The following MSTO1 variants were observed in gnomAD, a reference collection of about 807,000 sequenced individuals.
MSTO1 encodes the protein protein misato homolog 1.
Under a neutral mutation model 55.7 loss-of-function variants are expected in MSTO1, and 24 were observed. That is an observed-to-expected ratio of 0.43 (90% confidence interval 0.31 to 0.61). MSTO1 has a LOEUF of 0.61. MSTO1 is among the 20% of genes least tolerant of loss of function. The pLI is 0.09. For synonymous variants in MSTO1, 162 were observed against 252.8 expected (o/e 0.64, Z 3.41); for missense variants, 363 against 625.7 (o/e 0.58, Z 4.48).
chr1:155,575,795 T>TA, the MSTO1 span, among the ~76,000 whole-genome samples: 137 of 140,216 alleles, frequency 9.8e-4, no homozygotes, highest in Non-Finnish European at 1.6e-3. Context: ...TCTTATTTTA[T>TA]TTTTATTTAT....
chr1:155,603,011 A>T, the MSTO1 span, among the ~76,000 whole-genome samples: 2 of 152,084 alleles, frequency 1.3e-5, no homozygotes, highest in African/African-American at 2.4e-5. Flanking sequence ...CATTCTGGAC[A>T]TTTTCATCAG....
rs1558265813 is a variant in MSTO1, at chr1:155,612,485, GCT to G, written c.886_887del (p.Leu296CysfsTer26). The G allele has an allele frequency of 1.2e-6, 2 of 1,614,016 alleles. No individual in the cohort carries two copies. The highest frequency in any genetic ancestry group is 2.2e-5 in the East Asian group (1 of 44,876). On this transcript the variant is annotated frameshift_variant, in exon 9 of 14. Coordinates refer to ENST00000245564, the MANE Select transcript of MSTO1 (RefSeq NM_018116.4). LOFTEE classifies it high-confidence loss of function. ...GGTCTCGTGCACCTGACTGCTCACAGCTCTCTTGTCTGCCCCTTGTCCTTGGG... is the reference window on the plus strand; with the variant it reads ...GGTCTCGTGCACCTGACTGCTCACAGCTCTTGTCTGCCCCTTGTCCTTGGG...
chr1:155,564,339 C>T, the MSTO1 span, among the ~76,000 whole-genome samples: 1 of 152,068 alleles, frequency 6.6e-6, no homozygotes, highest in South Asian at 2.1e-4. Context: ...ACTAAAAATA[C>T]AAAAATTAGC....
At chr1:155,566,005 G>A in the MSTO1 span, 1 of 152,320 alleles carries the variant, frequency 6.6e-6, no homozygotes, top group Admixed American at 6.5e-5. Flanking sequence ...AAACTAGGGA[G>A]ATTATCCAGG....
chr1:155,583,408 C>T, the MSTO1 span, among the ~76,000 whole-genome samples: 1 of 151,690 alleles, frequency 6.6e-6, no homozygotes, highest in Non-Finnish European at 1.5e-5. Context: ...GGTGGTTGCA[C>T]GTGCCTGTAG....
At chr1:155,594,999 G>A in the MSTO1 span, among the ~76,000 whole-genome samples, 1 of 151,992 alleles carries the variant, frequency 6.6e-6, no homozygotes, top group African/African-American at 2.4e-5. Flanking sequence ...TTAGCCAGAT[G>A]TGGTGGTGCA....
chr1:155,606,360 A>G (rs1672935396), upstream of MSTO1, among the ~76,000 whole-genome samples: 1 of 147,512 alleles, frequency 6.8e-6, no homozygotes, highest in Admixed American at 6.8e-5. Flanking sequence ...GTGCCTGGCC[A>G]AGATACAACT....
upstream of MSTO1, chr1:155,610,000 C>G: frequency 1.9e-6 from 1 of 521,044 alleles, no homozygotes. Flanking sequence ...CCCGCTCCAA[C>G]GTGGAGCAGG....
chr1:155,600,898 G>T, the MSTO1 span, among the ~76,000 whole-genome samples: 24 of 150,700 alleles, frequency 1.6e-4, no homozygotes, highest in African/African-American at 5.6e-4. Context: ...GTATGGTCTC[G>T]ATCTCCTGAT....
At chr1:155,587,933 C>G in the MSTO1 span, among the ~76,000 whole-genome samples, 2 of 150,296 alleles carry the variant, frequency 1.3e-5, no homozygotes, top group African/African-American at 4.9e-5. Flanking sequence ...CAGGTGGGCG[C>G]GGTGGCTCAC....
At chr1:155,594,592 C>T in the MSTO1 span, among the ~76,000 whole-genome samples, 2 of 151,872 alleles carry the variant, frequency 1.3e-5, no homozygotes, top group Non-Finnish European at 2.9e-5. Context: ...ATTTTGACAT[C>T]ATTCTGGAAC....
chr1:155,588,064 C>A, the MSTO1 span, among the ~76,000 whole-genome samples: 1 of 151,836 alleles, frequency 6.6e-6, no homozygotes, highest in East Asian at 1.9e-4. Context: ...CAAACATTAG[C>A]CAGGCGTGGT....
chr1:155,586,782 C>G, the MSTO1 span: 1 of 417,744 alleles, frequency 2.4e-6, no homozygotes, highest in Non-Finnish European at 4.7e-6. Flanking sequence ...CAGTCTTGCT[C>G]TGTCACCCTG....
chr1:155,590,667 G>A, the MSTO1 span: 2 of 1,438,508 alleles, frequency 1.4e-6, no homozygotes, highest in African/African-American at 1.4e-5. Context: ...ATGTCCAGTA[G>A]CGGGCCATGT....
At chr1:155,595,154 G>C in the MSTO1 span, among the ~76,000 whole-genome samples, 2 of 141,958 alleles carry the variant, frequency 1.4e-5, no homozygotes, top group East Asian at 2.1e-4. Flanking sequence ...AAAAAAAAAC[G>C]CTTTCCTGCT....
At chr1:155,611,316 T>C in intron 4 of MSTO1, 25 bp downstream of exon 4, 1 of 1,613,856 alleles carries the variant, frequency 6.2e-7, no homozygotes, top group Non-Finnish European at 8.5e-7. Flanking sequence ...CCTGAACTTT[T>C]TAACCCGGTG....
chr1:155,586,309 C>T, the MSTO1 span, among the ~76,000 whole-genome samples: 2 of 151,010 alleles, frequency 1.3e-5, no homozygotes, highest in Admixed American at 1.3e-4. Context: ...TCCCTAAGTG[C>T]TGGGATTACA....
chr1:155,575,868 G>A, the MSTO1 span, among the ~76,000 whole-genome samples: 1 of 150,240 alleles, frequency 6.7e-6, no homozygotes, highest in East Asian at 1.9e-4. Flanking sequence ...TGTTGCCCAG[G>A]CTGCAGTGCA....
chr1:155,589,678 T>G, the MSTO1 span, among the ~76,000 whole-genome samples: 1 of 151,988 alleles, frequency 6.6e-6, no homozygotes, highest in Non-Finnish European at 1.5e-5. Context: ...GCTGAAGAAC[T>G]TGGAGTCCAG....
Sources: gnomAD v4.1 joint callset for allele counts (sites outside exome capture counted in the v4.1 genomes callset) on GRCh38, gnomAD v4.1.1 for gene constraint, MANE v1.5 for transcripts, NCBI Gene and HGNC (gene_info 2026-07-23, HGNC 2026-07-21) for gene names.